RBFOX1: variants seen among roughly 807,000 people sequenced by gnomAD.
RBFOX1 encodes the protein RNA binding fox-1 homolog 1.
Under a neutral mutation model 57.7 loss-of-function variants are expected in RBFOX1, and 8 were observed. That is an observed-to-expected ratio of 0.14 (90% CI 0.08 to 0.25). RBFOX1 has a LOEUF of 0.25. Ranked by LOEUF, RBFOX1 falls within the 10% of genes least tolerant of loss-of-function variation. The pLI is 1.00. For synonymous variants in RBFOX1, 326 were observed against 222.4 expected, an observed-to-expected ratio of 1.47 and a Z score of -4.15; for missense variants, 611 against 548.5, an observed-to-expected ratio of 1.11 and a Z score of -1.14.
chr16:5,900,371 G>C (rs1434352682), intron 4 of RBFOX1, among the ~76,000 whole-genome samples: 1 of 152,128 alleles, frequency 6.6e-6, no homozygotes, highest in Non-Finnish European at 1.5e-5. Flanking sequence ...TTTCCTAGCA[G>C]AGAGAATTGT....
At chr16:7,240,609 C>T (rs1056979985) in intron 4 of RBFOX1, among the ~76,000 whole-genome samples, 1 of 152,068 alleles carries the variant, frequency 6.6e-6, no homozygotes, top group Non-Finnish European at 1.5e-5. Context: ...GGCTGGAGTA[C>T]AGTGGTATGA....
intron 4 of RBFOX1, among the ~76,000 whole-genome samples, chr16:7,202,714 G>A (rs1282170862): frequency 6.6e-6 from 1 of 152,152 alleles, no homozygotes; most frequent in Non-Finnish European, 1.5e-5. Context: ...CTGCATGTGA[G>A]GGATCTAGGT....
intron 3 of RBFOX1, among the ~76,000 whole-genome samples, chr16:5,752,899 A>C (rs1330230823): frequency 6.6e-6 from 1 of 152,242 alleles, no homozygotes; most frequent in Non-Finnish European, 1.5e-5. Context: ...AAGAGTGCCC[A>C]GCACTTTGGG....
intron 3 of RBFOX1, among the ~76,000 whole-genome samples, chr16:7,024,566 TG>T (rs2040312738): frequency 6.6e-6 from 1 of 152,176 alleles, no homozygotes; most frequent in African/African-American, 2.4e-5. Context: ...GTGTAAACAC[TG>T]GGGCAGGTAA....
intron 1 of RBFOX1, among the ~76,000 whole-genome samples, chr16:5,255,392 A>C (rs1881324): frequency 0.41 from 49,962 of 120,502 alleles, 8,572 homozygotes; most frequent in East Asian, 0.54. Flanking sequence ...AGACATGCAT[A>C]CATCCATCCA....
intron 5 of RBFOX1, among the ~76,000 whole-genome samples, chr16:7,537,325 T>C (rs185483032): frequency 7.2e-5 from 11 of 152,282 alleles, no homozygotes; most frequent in African/African-American, 2.4e-4. Context: ...CTGTGGACTT[T>C]TGTGACAATT....
chr16:7,010,330 G>T (rs538581112), intron 3 of RBFOX1, among the ~76,000 whole-genome samples: 2 of 152,326 alleles, frequency 1.3e-5, no homozygotes, highest in South Asian at 4.1e-4. Flanking sequence ...TACATTGTGA[G>T]CATCAAACCC....
chr16:5,283,281 C>A (rs949192291), intron 1 of RBFOX1, among the ~76,000 whole-genome samples: 1 of 151,548 alleles, frequency 6.6e-6, no homozygotes, highest in Non-Finnish European at 1.5e-5. Context: ...TAGGGCAGTG[C>A]GGAAGGGAAA....
rs535560615 is a variant in RBFOX1, at chr16:7,633,462, A to G, written c.757+2779A>G. 3.2e-4 allele frequency among the ~76,000 whole-genome samples: 49 copies of G among 152,322 alleles called. 1 individual carries two copies. In the South Asian group the frequency reaches 4.6e-3, roughly 14 times the overall value. ...ACCCATAGTATTGTTTCATTATATTATATTTTAATCTATTCCCCCATTCTT... is the reference window on the plus strand; with the variant it reads ...ACCCATAGTATTGTTTCATTATATTGTATTTTAATCTATTCCCCCATTCTT... On this transcript the variant is annotated intron_variant, in intron 11 of 15. Coordinates refer to ENST00000550418, the MANE Select transcript of RBFOX1 (RefSeq NM_018723.4).
intron 3 of RBFOX1, among the ~76,000 whole-genome samples, chr16:7,021,650 A>G (rs1025778491): frequency 6.8e-6 from 1 of 147,966 alleles, no homozygotes; most frequent in African/African-American, 2.4e-5. Flanking sequence ...TTTTATTAAA[A>G]TTTTTATTTC....
chr16:6,763,598 C>A (rs768460972), intron 3 of RBFOX1, among the ~76,000 whole-genome samples: 3 of 152,192 alleles, frequency 2.0e-5, no homozygotes. Context: ...TAATCATCAA[C>A]AACCACTTGC....
chr16:6,885,041 A>T (rs923088706), intron 3 of RBFOX1, among the ~76,000 whole-genome samples: 1 of 152,200 alleles, frequency 6.6e-6, no homozygotes, highest in Non-Finnish European at 1.5e-5. Flanking sequence ...AAGCAGCAAA[A>T]CGTTTATTTA....
intron 14 of RBFOX1, among the ~76,000 whole-genome samples, chr16:7,680,444 A>C (rs1036479104): frequency 7.2e-5 from 11 of 152,130 alleles, no homozygotes; most frequent in African/African-American, 2.2e-4. Flanking sequence ...CAGTGCATGA[A>C]AATGTCCCTC....
chr16:5,409,140 G>C (rs2066944293), intron 1 of RBFOX1, among the ~76,000 whole-genome samples: 1 of 152,240 alleles, frequency 6.6e-6, no homozygotes, highest in Admixed American at 6.5e-5. Flanking sequence ...GAATCAGAGA[G>C]AATGCAGACA....
chr16:6,118,785 CTTT>C lies in RBFOX1; in HGVS notation c.-127+98794_-127+98796del, dbSNP rs1397844960. Among the ~76,000 whole-genome samples, 869 of 149,632 alleles carry C rather than the reference CTTT, an allele frequency of 5.8e-3. 6 individuals are homozygous for C. Among genetic ancestry groups the C allele is most frequent in the African/African-American group, 0.02 (810 of 39,926 alleles). On this transcript the variant is annotated intron_variant, in intron 1 of 15. Transcript: ENST00000550418. Reference sequence around the variant, plus strand: ...TCTTTCTCCCTCTCTTTCTCCCTCTCTTTCTCTCTCTCCTTCCTTCCTTCCTTC... The same window carrying C: ...TCTTTCTCCCTCTCTTTCTCCCTCTCCTCTCTCTCCTTCCTTCCTTCCTTC...
At chr16:6,585,064 G>A (rs1189808293) in intron 2 of RBFOX1, among the ~76,000 whole-genome samples, 1 of 152,148 alleles carries the variant, frequency 6.6e-6, no homozygotes, top group Non-Finnish European at 1.5e-5. Context: ...TCTTCTCTGA[G>A]ACACAGAGAG....
chr16:5,251,065 G>C (rs915779625), intron 1 of RBFOX1, among the ~76,000 whole-genome samples: 1 of 152,190 alleles, frequency 6.6e-6, no homozygotes, highest in Non-Finnish European at 1.5e-5. Context: ...TCTGCACCTC[G>C]GTGTCCTGGG....
rs529702478 is a variant in RBFOX1 at position 6,710,206 on chromosome 16, A to G, written c.-16+55556A>G. 1.5e-4 allele frequency among the ~76,000 whole-genome samples: 23 copies of G among 152,264 alleles called. No homozygotes were observed. The East Asian group carries it at 4.1e-3, about 27-fold the overall frequency. On this transcript the variant is annotated intron_variant, in intron 3 of 15. Coordinates refer to ENST00000550418, the MANE Select transcript of RBFOX1 (RefSeq NM_018723.4). Reference sequence around the variant, plus strand: ...TTTGGTTTAACTTCTCAAAACTGAAATGTTTGTCACTTATTTTCCTTAACT... The same window carrying G: ...TTTGGTTTAACTTCTCAAAACTGAAGTGTTTGTCACTTATTTTCCTTAACT...
At chr16:5,383,553 C>G (rs1402592348) in intron 1 of RBFOX1, among the ~76,000 whole-genome samples, 1 of 152,220 alleles carries the variant, frequency 6.6e-6, no homozygotes, top group African/African-American at 2.4e-5. Flanking sequence ...CTTAAACTTT[C>G]TGAGCCTCAG....
Sources: allele counts gnomAD v4.1 joint callset (sites outside exome capture counted in the v4.1 genomes callset), GRCh38; gene constraint gnomAD v4.1.1; transcripts MANE v1.5; gene names NCBI Gene and HGNC (gene_info 2026-07-23, HGNC 2026-07-21).